FAF2: variants seen among roughly 807,000 people sequenced by gnomAD.
FAF2 encodes the protein Fas associated factor family member 2.
In FAF2, 9 loss-of-function variants were observed where a neutral mutation model predicts 62.3. The ratio of observed to expected loss-of-function variants is 0.14; its 90% confidence interval spans 0.09 to 0.25. The LOEUF is 0.25. Ranked by LOEUF, FAF2 falls within the 10% of genes least tolerant of loss-of-function variation. The pLI is 1.00. For synonymous variants in FAF2, 202 were observed against 198.0 expected (o/e 1.02, Z -0.17); for missense variants, 368 against 556.2 (o/e 0.66, Z 3.40).
chr5:176,451,326 G>T (rs572932062), intron 1 of FAF2, among the ~76,000 whole-genome samples: 244 of 152,234 alleles, frequency 1.6e-3, no homozygotes, highest in African/African-American at 5.5e-3. Flanking sequence ...AGCCAAGATC[G>T]TGCCACTGCA....
intron 5 of FAF2, among the ~76,000 whole-genome samples, chr5:176,492,887 G>A (rs1758998005): frequency 6.6e-6 from 1 of 152,194 alleles, no homozygotes; most frequent in Non-Finnish European, 1.5e-5. Context: ...GCCCCTTGAA[G>A]GCAAAGCCTA....
At chr5:176,478,995 A>AT (rs1218040694) in intron 1 of FAF2, among the ~76,000 whole-genome samples, 193 bp from the exon 2 acceptor site, 3 of 152,266 alleles carry the variant, frequency 2.0e-5, no homozygotes, top group East Asian at 1.9e-4. Context: ...AGGAATTATC[A>AT]TTTTTTTAGT....
chr5:176,496,408 C>T, intron 7 of FAF2, 78 bp from the exon 8 acceptor site: 1 of 1,170,076 alleles, frequency 8.5e-7, no homozygotes, highest in East Asian at 2.7e-5. Context: ...AGTTCTCTCT[C>T]ACTCATTGTG....
intron 10 of FAF2, among the ~76,000 whole-genome samples, chr5:176,501,776 CAG>C (rs970106089): frequency 3.8e-4 from 58 of 152,030 alleles, no homozygotes; most frequent in African/African-American, 1.3e-3. Context: ...TGTTTTGAGA[CAG>C]AGTTTCGCCT....
intron 1 of FAF2, among the ~76,000 whole-genome samples, chr5:176,472,658 G>A (rs1380524278): frequency 6.9e-6 from 1 of 145,490 alleles, no homozygotes. Flanking sequence ...GAGGTGGGAG[G>A]ATTGCTTGAG....
At chr5:176,498,495 A>G (rs1378588449) in intron 8 of FAF2, among the ~76,000 whole-genome samples, 1 of 152,098 alleles carries the variant, frequency 6.6e-6, no homozygotes, top group Non-Finnish European at 1.5e-5. Flanking sequence ...AAAACTCTAC[A>G]TTTTCAGATC....
intron 1 of FAF2, among the ~76,000 whole-genome samples, chr5:176,467,129 C>CTTT (rs374702773): frequency 5.3e-5 from 5 of 94,034 alleles, no homozygotes; most frequent in African/African-American, 1.4e-4. Flanking sequence ...TTTTTTTTTC[C>CTTT]TTTTTTTTTT....
intron 1 of FAF2, among the ~76,000 whole-genome samples, chr5:176,462,887 A>G (rs1758402905): frequency 6.6e-6 from 1 of 152,192 alleles, no homozygotes; most frequent in Non-Finnish European, 1.5e-5. Context: ...TTATTAGATT[A>G]TTTTTGGAGG....
At chr5:176,479,098 T>C (rs1269458802) in intron 1 of FAF2, 90 bp from the exon 2 acceptor site, 3 of 979,044 alleles carry the variant, frequency 3.1e-6, no homozygotes, top group Admixed American at 1.7e-5. Context: ...CATTTTTTAG[T>C]GTATTTTCCT....
At chr5:176,498,872 G>T (rs113285725) in intron 8 of FAF2, 42 bp from the exon 9 acceptor site, 1 of 1,489,614 alleles carries the variant, frequency 6.7e-7, no homozygotes, top group South Asian at 1.4e-5. Context: ...AGAACTTTGT[G>T]AGAGTGCTGT....
intron 1 of FAF2, among the ~76,000 whole-genome samples, chr5:176,468,596 A>G (rs1758511046): frequency 6.6e-6 from 1 of 152,042 alleles, no homozygotes; most frequent in Non-Finnish European, 1.5e-5. Context: ...AAAGAAAAAT[A>G]GAAGTAAATA....
chr5:176,508,509 T>C lies in FAF2; in HGVS notation c.*1559T>C, dbSNP rs576409203. ...TTTGGTAGCAATTATATGGTTACTA[T>C]CCACTGCAGTCCTCAGTTGTTGGGG... On this transcript the variant is annotated 3_prime_UTR_variant, in exon 11 of 11. Transcript: ENST00000261942. 1 of 152,276 alleles carries C rather than the reference T, an allele frequency of 6.6e-6. No homozygotes were observed. The highest frequency in any genetic ancestry group is 1.5e-5 in the Non-Finnish European group (1 of 68,020). The allele number at this position is 152,276 out of a possible 1,614,324, so 9.4% of individuals were successfully genotyped here.
chr5:176,458,444 C>T (rs530224028), intron 1 of FAF2, among the ~76,000 whole-genome samples: 1 of 103,670 alleles, frequency 9.6e-6, no homozygotes, highest in Non-Finnish European at 1.7e-5. Flanking sequence ...GAGTCTCACT[C>T]TCTCACCCAC....
chr5:176,462,425 A>T (rs535286098), intron 1 of FAF2, among the ~76,000 whole-genome samples: 1 of 151,830 alleles, frequency 6.6e-6, no homozygotes, highest in East Asian at 1.9e-4. Flanking sequence ...AGAGATCGAG[A>T]CCATCCTGGC....
At chr5:176,467,129 C>CTTTTTTTTTTTTTTT (rs374702773) in intron 1 of FAF2, among the ~76,000 whole-genome samples, 4 of 94,042 alleles carry the variant, frequency 4.3e-5, no homozygotes, top group Non-Finnish European at 7.8e-5. Flanking sequence ...TTTTTTTTTC[C>CTTTTTTTTTTTTTTT]TTTTTTTTTT....
Position 176,479,489 on chromosome 5 carries a change from G to T in FAF2, c.132+233G>T, listed in dbSNP as rs572430552. Among the ~76,000 whole-genome samples, 7 of 152,180 alleles carry T rather than the reference G, an allele frequency of 4.6e-5. 1 individual carries two copies. The highest frequency in any genetic ancestry group is 1.4e-4 in the African/African-American group (6 of 41,548). On this transcript the variant is annotated intron_variant, in intron 2 of 10. Transcript: ENST00000261942. ...ACCCCCTACTGTTTGTTAGTATCTT[G>T]TTGGGAAAACAATTGGTTTTTGTAT...
intron 1 of FAF2, among the ~76,000 whole-genome samples, chr5:176,455,161 A>T (rs1422063456): frequency 6.6e-6 from 1 of 152,220 alleles, no homozygotes; most frequent in African/African-American, 2.4e-5. Flanking sequence ...AACATTGTAC[A>T]CTTACTGCTT....
chr5:176,498,969 G>A lies in FAF2; in HGVS notation c.895G>A (p.Ala299Thr). ...LRQQQDEAYL[A>T]SLRADQEKER... ...ACAACAGCAGGATGAGGCCTACCTGGCCTCTCTCAGAGCTGACCAGGAGAA... is the reference window on the plus strand; with the variant it reads ...ACAACAGCAGGATGAGGCCTACCTGACCTCTCTCAGAGCTGACCAGGAGAA... Residue 299 changes from alanine to threonine, a missense_variant, in exon 9 of 11, where the codon GCC becomes ACC. This residue lies in a region of FAF2 where 331 missense variants were observed against 441.9 expected (regional missense o/e 0.75). Transcript: ENST00000261942. 1 of 1,612,972 alleles carries A rather than the reference G, an allele frequency of 6.2e-7. No individual in the cohort carries two copies. Among genetic ancestry groups the A allele is most frequent in the Non-Finnish European group, 8.5e-7 (1 of 1,179,244 alleles).
intron 9 of FAF2, among the ~76,000 whole-genome samples, chr5:176,499,286 C>CT (rs968040987): frequency 1.3e-5 from 2 of 151,880 alleles, no homozygotes; most frequent in Non-Finnish European, 2.9e-5. Context: ...AATATTCATT[C>CT]TTTTTTAAAT....
Sources: gnomAD v4.1 joint callset for allele counts (sites outside exome capture counted in the v4.1 genomes callset) on GRCh38, gnomAD v4.1.1 for gene constraint, gnomAD v4.1.1 regional missense constraint, MANE v1.5 for transcripts, NCBI Gene and HGNC (gene_info 2026-07-23, HGNC 2026-07-21) for gene names.